Variants in ADAMTS20 observed in about 807,000 individuals in gnomAD.
ADAMTS20 encodes ADAM metallopeptidase with thrombospondin type 1 motif 20, also known as A disintegrin and metalloproteinase with thrombospondin motifs 20.
In ADAMTS20, 225 loss-of-function variants were observed where a neutral mutation model predicts 260.1. The ratio of observed to expected loss-of-function variants is 0.87; its 90% CI spans 0.78 to 0.97. The LOEUF (loss-of-function observed/expected upper bound fraction) is 0.97, where lower values mean the gene tolerates loss of function less well. Ranked by LOEUF, ADAMTS20 falls within the 50% of genes least tolerant of loss-of-function variation. ADAMTS20 has a pLI of 0.00. For missense variants in ADAMTS20, 2,400 were observed against 2,337.7 expected, an observed-to-expected ratio of 1.03 and a Z score of -0.55; for synonymous variants, 802 against 769.5, an observed-to-expected ratio of 1.04 and a Z score of -0.70.
intron 7 of ADAMTS20, among the ~76,000 whole-genome samples, chr12:43,472,903 C>T (rs1465262317): frequency 2.8e-5 from 4 of 143,676 alleles, no homozygotes; most frequent in South Asian, 4.7e-4. Context: ...TAAAGACCAT[C>T]GAGACTAGGA....
chr12:43,420,797 C>CTTTTTTTTTTTTTTTTTT (rs1415962939), intron 28 of ADAMTS20, among the ~76,000 whole-genome samples: 2 of 77,434 alleles, frequency 2.6e-5, no homozygotes, highest in Non-Finnish European at 2.4e-5. Flanking sequence ...CCTCCTCCTC[C>CTTTTTTTTTTTTTTTTTT]TTCTTTTTTT....
At chr12:43,358,785 C>T (rs983793715) in intron 37 of ADAMTS20, among the ~76,000 whole-genome samples, 3 of 138,264 alleles carry the variant, frequency 2.2e-5, no homozygotes, top group Non-Finnish European at 4.5e-5. Context: ...TGCAGTGAGT[C>T]GAGATCGCGC....
intron 37 of ADAMTS20, 75 bp from the exon 38 acceptor site, chr12:43,356,663 G>T: frequency 9.7e-7 from 1 of 1,031,114 alleles, no homozygotes; most frequent in Non-Finnish European, 1.5e-6. Flanking sequence ...CTTCTCAATT[G>T]CAAGGGGCAA....
intron 22 of ADAMTS20, among the ~76,000 whole-genome samples, chr12:43,430,698 T>A (rs1430091106): frequency 6.6e-6 from 1 of 152,212 alleles, no homozygotes; most frequent in Non-Finnish European, 1.5e-5. Context: ...ACAATTAATG[T>A]ATTCTGAAAA....
chr12:43,365,132 T>C (rs766678180), intron 37 of ADAMTS20, among the ~76,000 whole-genome samples: 23 of 151,906 alleles, frequency 1.5e-4, no homozygotes, highest in Non-Finnish European at 2.9e-4. Context: ...TAAAAAACTG[T>C]ACATCAATAA....
intron 28 of ADAMTS20, among the ~76,000 whole-genome samples, chr12:43,412,158 T>C (rs1262251193): frequency 6.6e-6 from 1 of 152,176 alleles, no homozygotes; most frequent in Non-Finnish European, 1.5e-5. Flanking sequence ...ATATACAGAG[T>C]TAATCAGGCT....
At chr12:43,452,961 G>T (rs138654528) in intron 12 of ADAMTS20, among the ~76,000 whole-genome samples, 19 of 152,212 alleles carry the variant, frequency 1.2e-4, no homozygotes, top group African/African-American at 4.1e-4. Context: ...AACAATGGAA[G>T]TTTTTTCTTA....
downstream of ADAMTS20, among the ~76,000 whole-genome samples, chr12:43,352,915 C>T (rs935635166): frequency 2.0e-5 from 3 of 152,072 alleles, no homozygotes; most frequent in Non-Finnish European, 2.9e-5. Flanking sequence ...TTGATACAGA[C>T]ATCTTCAAAT....
chr12:43,470,393 G>A (rs1592085658), intron 7 of ADAMTS20, among the ~76,000 whole-genome samples: 1 of 152,248 alleles, frequency 6.6e-6, no homozygotes, highest in East Asian at 1.9e-4. Flanking sequence ...GAACATTTTA[G>A]TCACATAAGA....
intron 28 of ADAMTS20, among the ~76,000 whole-genome samples, chr12:43,409,601 C>CAAAAAAAAAAAAAAA (rs67474640): frequency 4.1e-4 from 19 of 46,902 alleles, no homozygotes; most frequent in African/African-American, 7.2e-4. Flanking sequence ...GACTCCGTCT[C>CAAAAAAAAAAAAAAA]AAAAAAAAAA....
intron 11 of ADAMTS20, among the ~76,000 whole-genome samples, chr12:43,462,029 C>T (rs554528999): frequency 1.3e-5 from 2 of 152,324 alleles, no homozygotes; most frequent in East Asian, 1.9e-4. Flanking sequence ...ACAGGAAACA[C>T]ACACCTTTTG....
intron 18 of ADAMTS20, among the ~76,000 whole-genome samples, chr12:43,439,420 T>C (rs1312961336): frequency 6.6e-6 from 1 of 152,106 alleles, no homozygotes; most frequent in African/African-American, 2.4e-5. Context: ...AGAGTAGCAT[T>C]AAATAGTGCT....
Position 43,453,996 on chromosome 12 carries a change from A to G in ADAMTS20, c.1671T>C (p.Gly557=). ...TGTAAGGTTCCCATGGTCCCCATTC[A>G]CCATTTACAGGACGTGTTTCCGTTT... ...NKETETRPVN[G]EWGPWEPYSS... Residue 557 remains glycine (G), a synonymous_variant, in exon 12 of 39, where the codon GGT becomes GGC. Coordinates refer to ENST00000389420, the MANE Select transcript of ADAMTS20 (RefSeq NM_025003.5). 1.2e-5 allele frequency: 20 copies of G among 1,613,786 alleles called. No homozygotes were observed. The highest frequency in any genetic ancestry group is 1.7e-5 in the Non-Finnish European group (20 of 1,179,800).
chr12:43,416,847 C>G (rs1941142448), intron 28 of ADAMTS20, among the ~76,000 whole-genome samples: 1 of 152,070 alleles, frequency 6.6e-6, no homozygotes, highest in Non-Finnish European at 1.5e-5. Flanking sequence ...TTTCTGGTCT[C>G]TATGGTTTTG....
chr12:43,498,660 C>T (rs1276164744), intron 4 of ADAMTS20, among the ~76,000 whole-genome samples: 1 of 152,208 alleles, frequency 6.6e-6, no homozygotes. Flanking sequence ...TCTGTGGACA[C>T]TTATGTGCAA....
intron 6 of ADAMTS20, among the ~76,000 whole-genome samples, chr12:43,491,346 T>C (rs1244527676): frequency 6.6e-6 from 1 of 152,160 alleles, no homozygotes; most frequent in African/African-American, 2.4e-5. Context: ...TATGTTTGCA[T>C]AAAGACTAAA....
intron 8 of ADAMTS20, among the ~76,000 whole-genome samples, chr12:43,467,645 C>A (rs900667992): frequency 6.6e-6 from 1 of 152,048 alleles, no homozygotes; most frequent in Non-Finnish European, 1.5e-5. Flanking sequence ...CCAGATGTTG[C>A]CGCAATACTT....
chr12:43,508,643 G>T (rs1018420807), intron 3 of ADAMTS20, among the ~76,000 whole-genome samples: 2 of 151,932 alleles, frequency 1.3e-5, no homozygotes, highest in South Asian at 4.2e-4. Flanking sequence ...TACATAGCAG[G>T]TATATATATT....
rs1048653180 is a variant in ADAMTS20, at chr12:43,394,099, A to G, written c.4452+4967T>C. Among the ~76,000 whole-genome samples the G allele has an allele frequency of 2.0e-5, 3 of 152,130 alleles. No individual in the cohort carries two copies. In the South Asian group the frequency reaches 6.2e-4, roughly 31 times the overall value. ...TGGCAGCCATTTTATGACCATTACA[A>G]GTTGAACAACAGAATCACAGAAATG... On this transcript the variant is annotated intron_variant, in intron 29 of 38. Coordinates refer to ENST00000389420, the MANE Select transcript of ADAMTS20 (RefSeq NM_025003.5).
Sources: gnomAD v4.1 joint callset for allele counts (sites outside exome capture counted in the v4.1 genomes callset) on GRCh38, gnomAD v4.1.1 for gene constraint, MANE v1.5 for transcripts, NCBI Gene and HGNC (gene_info 2026-07-23, HGNC 2026-07-21) for gene names.